HIF3A: variants seen among roughly 807,000 people sequenced by gnomAD.
HIF3A encodes the protein hypoxia-inducible factor 3-alpha.
A neutral mutation model predicts 67.2 loss-of-function variants in HIF3A; 41 were observed. The observed-to-expected ratio is 0.61, with a 90% CI of 0.48 to 0.79. The LOEUF is 0.79. HIF3A is among the 30% of genes least tolerant of loss of function. The pLI is 0.00. For missense variants in HIF3A, 855 were observed against 898.0 expected (o/e 0.95, Z 0.61); for synonymous variants, 356 against 374.8 (o/e 0.95, Z 0.58).
At position 46,309,266 on chromosome 19, in the gene HIF3A, TCCCCCAC is replaced by T. The variant is rs1353277527; in HGVS notation, c.680_686del (p.Pro227GlnfsTer21). 1 of 1,613,632 alleles carries T rather than the reference TCCCCCAC, an allele frequency of 6.2e-7. No homozygotes were observed. Among genetic ancestry groups the T allele is most frequent in the East Asian group, 2.2e-5 (1 of 44,818 alleles). On this transcript the variant is annotated frameshift_variant, in exon 6 of 15. Transcript: ENST00000377670. LOFTEE classifies it high-confidence loss of function. ...TGCCTGGTGCTCATCTGCGAAGCCA[TCCCCCAC>T]CCAGGCAGCCTGGAGCCCCCACTGG...
chr19:46,339,302 C>CA (rs1971841948), intron 14 of HIF3A, among the ~76,000 whole-genome samples: 1 of 152,206 alleles, frequency 6.6e-6, no homozygotes, highest in East Asian at 1.9e-4. Context: ...AGACTTGCGT[C>CA]AAAAATAAAG....
chr19:46,305,329 C>T lies in HIF3A; in HGVS notation c.302C>T (p.Thr101Ile), dbSNP rs1449694301. 6.2e-7 allele frequency: 1 copy of T among 1,614,124 alleles called. No individual in the cohort carries two copies. Among genetic ancestry groups the T allele is most frequent in the Non-Finnish European group, 8.5e-7 (1 of 1,180,036 alleles). Residue 101 changes from threonine (T) to isoleucine (I), a missense_variant, in exon 3 of 15, where the codon ACC becomes ATC. Coordinates refer to ENST00000377670, the MANE Select transcript of HIF3A (RefSeq NM_152795.4). ...KALEGFVMVL[T>I]AEGDMAYLSE... ...CTGGAGGGCTTCGTCATGGTGCTCA[C>T]CGCCGAGGGAGACATGGCTTACCTG...
Position 46,329,199 on chromosome 19 carries a change from C to A in HIF3A, c.1441-8C>A. 1 of 1,591,980 alleles carries A rather than the reference C, an allele frequency of 6.3e-7. No individual in the cohort carries two copies. On this transcript the variant is annotated splice_polypyrimidine_tract_variant and splice_region_variant and intron_variant, in intron 11 of 14. Coordinates refer to ENST00000377670, the MANE Select transcript of HIF3A (RefSeq NM_152795.4). ...CTCATCCTCTTACCTCCCTCCTGCCCTCCGCAGGATGCTGATGCTCTGGAT... is the reference window on the plus strand; with the variant it reads ...CTCATCCTCTTACCTCCCTCCTGCCATCCGCAGGATGCTGATGCTCTGGAT...
chr19:46,300,504 T>C (rs545188271), intron 1 of HIF3A, among the ~76,000 whole-genome samples: 1 of 152,100 alleles, frequency 6.6e-6, no homozygotes, highest in African/African-American at 2.4e-5. Context: ...CTACTAAAAA[T>C]ACAAAAATTA....
chr19:46,309,445 T>TTCTC (rs956169514), intron 6 of HIF3A, 86 bp downstream of exon 6: 2 of 676,770 alleles, frequency 3.0e-6, no homozygotes, highest in Non-Finnish European at 4.7e-6. Context: ...CTCTCTCTCC[T>TTCTC]TCTCTCTCTC....
chr19:46,304,466 T>C (rs1414646911), intron 2 of HIF3A, among the ~76,000 whole-genome samples: 1 of 152,170 alleles, frequency 6.6e-6, no homozygotes, highest in Non-Finnish European at 1.5e-5. Flanking sequence ...ATATATCCAC[T>C]GGGAGGCTGC....
chr19:46,329,927 C>T (rs1471563697), intron 12 of HIF3A, among the ~76,000 whole-genome samples: 10 of 138,780 alleles, frequency 7.2e-5, no homozygotes, highest in African/African-American at 5.4e-5. Flanking sequence ...TGCCACTGCA[C>T]TCCAGCCTGG....
At chr19:46,311,968 G>A (rs538514431) in intron 6 of HIF3A, 193 bp from the exon 7 acceptor site, 3 of 759,070 alleles carry the variant, frequency 4.0e-6, no homozygotes, top group African/African-American at 3.4e-5. Context: ...ATTAGGATGT[G>A]GACATCTTTG....
At chr19:46,333,982 A>T (rs1177083594) in intron 13 of HIF3A, among the ~76,000 whole-genome samples, 2 of 150,404 alleles carry the variant, frequency 1.3e-5, no homozygotes, top group Admixed American at 1.3e-4. Context: ...TTTAGTAGAG[A>T]CAGGGTTTCA....
At chr19:46,311,998 C>T (rs1969466983) in intron 6 of HIF3A, 163 bp from the exon 7 acceptor site, 1 of 769,168 alleles carries the variant, frequency 1.3e-6, no homozygotes. Flanking sequence ...ATTCAACCCA[C>T]CACACTCCTC....
chr19:46,312,949 T>G (rs552556780), intron 8 of HIF3A: 1 of 1,045,578 alleles, frequency 9.6e-7, no homozygotes, highest in East Asian at 7.2e-5. Flanking sequence ...TAATTCAAAT[T>G]AGAAAGGGGT....
intron 13 of HIF3A, among the ~76,000 whole-genome samples, chr19:46,334,488 C>T (rs924001459): frequency 2.0e-5 from 3 of 152,120 alleles, no homozygotes; most frequent in Non-Finnish European, 2.9e-5. Flanking sequence ...CCTACCTTGG[C>T]CTTCCAAAAG....
At chr19:46,333,413 G>A (rs1971378196) in intron 13 of HIF3A, among the ~76,000 whole-genome samples, 2 of 152,142 alleles carry the variant, frequency 1.3e-5, no homozygotes, top group African/African-American at 4.8e-5. Flanking sequence ...GGATCCTGCA[G>A]CGAGTGGAGT....
intron 11 of HIF3A, 125 bp from the exon 12 acceptor site, chr19:46,329,082 T>C: frequency 1.1e-6 from 1 of 884,110 alleles, no homozygotes; most frequent in Non-Finnish European, 1.7e-6. Flanking sequence ...ATTTTACAGA[T>C]GAGGAAACTG....
chr19:46,321,990 C>A (rs1423352744), intron 10 of HIF3A, 24 bp downstream of exon 10: 1 of 1,610,096 alleles, frequency 6.2e-7, no homozygotes, highest in Admixed American at 1.7e-5. Flanking sequence ...CCCATGTGAG[C>A]CCTCAGCATC....
intron 1 of HIF3A, among the ~76,000 whole-genome samples, chr19:46,301,747 G>A (rs151109422): frequency 4.0e-5 from 6 of 151,624 alleles, no homozygotes; most frequent in African/African-American, 7.3e-5. Context: ...AATTGAACCC[G>A]GCAGGCGGAG....
rs756765598 is a variant in HIF3A, at chr19:46,339,595, A to C, written c.1983A>C (p.Pro661=). 6.2e-7 allele frequency: 1 copy of C among 1,608,876 alleles called. No homozygotes were observed. Among genetic ancestry groups the C allele is most frequent in the South Asian group, 1.1e-5 (1 of 90,244 alleles). The change falls in exon 15 of 15, where the codon CCA becomes CCC. Residue 661 remains proline (P), a synonymous_variant. Coordinates refer to ENST00000377670, the MANE Select transcript of HIF3A (RefSeq NM_152795.4). ...DTTQPGGPFQ[P]RAGSAQAD ...CCCAGCCCGGGGGCCCCTTCCAGCC[A>C]AGGGCAGGCTCAGCCCAGGCTGACT...
rs1568556736 is a variant in HIF3A, at chr19:46,341,633, C to CTTTT, written c.*2011_*2012insTTTT. On this transcript the variant is annotated 3_prime_UTR_variant, in exon 15 of 15. Transcript: ENST00000377670. Reference sequence around the variant, plus strand: ...TTGATGTGTTTATCTCTTTTTTCTTCCTCTTCTTTTTTTTTTTTTTCTTTT... The same window carrying CTTTT: ...TTGATGTGTTTATCTCTTTTTTCTTCTTTTCTCTTCTTTTTTTTTTTTTTCTTTT... 4 of 149,980 alleles carry CTTTT rather than the reference C, an allele frequency of 2.7e-5. No homozygotes were observed. Among genetic ancestry groups the CTTTT allele is most frequent in the African/African-American group, 1.0e-4 (4 of 39,914 alleles). 9.3% of individuals were successfully genotyped at this position (149,980 alleles called of 1,614,324 possible).
Position 46,318,114 on chromosome 19 carries a change from G to C in HIF3A, c.1026-2329G>C, listed in dbSNP as rs547581877. Among the ~76,000 whole-genome samples, 127 of 152,228 alleles carry C rather than the reference G, an allele frequency of 8.3e-4. 1 individual carries two copies. The highest frequency in any genetic ancestry group is 1.6e-3 in the Non-Finnish European group (111 of 68,002). On this transcript the variant is annotated intron_variant, in intron 8 of 14. Coordinates refer to ENST00000377670, the MANE Select transcript of HIF3A (RefSeq NM_152795.4). ...GCCTCCCAAAGTGCTGGGATTACAG[G>C]CGTGAGCCACTGTGCCTGGCCCTCC...
Sources: allele counts gnomAD v4.1 joint callset (sites outside exome capture counted in the v4.1 genomes callset), GRCh38; gene constraint gnomAD v4.1.1; transcripts MANE v1.5; gene names NCBI Gene and HGNC (gene_info 2026-07-23, HGNC 2026-07-21).